PCDHAC1: variants seen among roughly 807,000 people sequenced by gnomAD.
PCDHAC1 encodes protocadherin alpha-C1.
In PCDHAC1, 42 loss-of-function variants were observed where a neutral mutation model predicts 60.0. That is an observed-to-expected ratio of 0.70 (90% CI 0.55 to 0.90). The LOEUF is 0.90. Among genes scored for constraint, PCDHAC1 ranks in the 40% least tolerant of loss-of-function variants. The probability of loss-of-function intolerance (pLI) is 0.00; values close to 1 mark genes in which losing one functional copy is unlikely to be tolerated. For missense variants in PCDHAC1, 1,160 were observed against 1,222.3 expected (o/e 0.95, Z 0.76); for synonymous variants, 468 against 499.3 (o/e 0.94, Z 0.84).
intron 1 of PCDHAC1, among the ~76,000 whole-genome samples, chr5:140,976,583 G>A (rs1360171256): frequency 8.6e-5 from 13 of 151,966 alleles, no homozygotes; most frequent in African/African-American, 3.1e-4. Flanking sequence ...ATAAAACACA[G>A]ACTTTTGTGT....
In PCDHAC1 at chr5:140,927,810, G is replaced by A; in HGVS notation, c.918G>A (p.Leu306=). Reference sequence around the variant, plus strand: ...CACTAGGTCCGCCTGAAACGCTCTTGGAGGCATACATTGAGGCGAGGGACG... The same window carrying A: ...CACTAGGTCCGCCTGAAACGCTCTTAGAGGCATACATTGAGGCGAGGGACG... ...AASLGPPETL[L]EAYIEARDEG... Residue 306 remains leucine (L), a synonymous_variant, in exon 1 of 4, where the codon TTG becomes TTA. Transcript: ENST00000253807. The A allele has an allele frequency of 2.5e-6, 4 of 1,614,200 alleles. No individual in the cohort carries two copies. The highest frequency in any genetic ancestry group is 3.4e-6 in the Non-Finnish European group (4 of 1,180,038).
intron 1 of PCDHAC1, among the ~76,000 whole-genome samples, chr5:140,975,937 A>C (rs2096690423): frequency 1.3e-5 from 2 of 152,194 alleles, no homozygotes; most frequent in South Asian, 2.1e-4. Context: ...CTTTGAAGCA[A>C]TAGGACATAT....
intron 1 of PCDHAC1, among the ~76,000 whole-genome samples, chr5:140,946,628 A>ATATATATATATATATATATATATATATC (rs2093986423): frequency 7.4e-6 from 1 of 134,528 alleles, no homozygotes; most frequent in Non-Finnish European, 1.6e-5. Context: ...ATATATATAT[A>ATATATATATATATATATATATATATATC]TATACAATGG....
chr5:140,981,959 A>C (rs76200785), intron 2 of PCDHAC1, among the ~76,000 whole-genome samples: 3,104 of 152,312 alleles, frequency 0.02, 114 homozygotes, highest in African/African-American at 0.071. Flanking sequence ...TCATCTATGC[A>C]TAAAAGATAT....
At chr5:140,999,551 G>C (rs1189671768) in intron 3 of PCDHAC1, among the ~76,000 whole-genome samples, 3 of 152,088 alleles carry the variant, frequency 2.0e-5, no homozygotes, top group East Asian at 1.9e-4. Context: ...CAATGAAGAG[G>C]GGGTATTTTG....
intron 1 of PCDHAC1, among the ~76,000 whole-genome samples, chr5:140,936,879 C>A (rs2091197572): frequency 6.6e-6 from 1 of 152,054 alleles, no homozygotes; most frequent in African/African-American, 2.4e-5. Flanking sequence ...AAAAACCCTG[C>A]TTTGATTTTA....
intron 3 of PCDHAC1, among the ~76,000 whole-genome samples, chr5:141,002,004 A>G (rs1386748835): frequency 2.0e-5 from 3 of 152,210 alleles, no homozygotes; most frequent in Non-Finnish European, 4.4e-5. Context: ...TTGCAAACAC[A>G]GAATCTGCAC....
At chr5:140,979,052 G>T (rs2096833352) in intron 2 of PCDHAC1, 45 bp downstream of exon 2, 1 of 1,609,668 alleles carries the variant, frequency 6.2e-7, no homozygotes, top group Non-Finnish European at 8.5e-7. Context: ...CCTTAACTTG[G>T]TATGGCTCAG....
At chr5:140,971,434 A>T (rs1243393478) in intron 1 of PCDHAC1, among the ~76,000 whole-genome samples, 1 of 152,188 alleles carries the variant, frequency 6.6e-6, no homozygotes, top group Non-Finnish European at 1.5e-5. Flanking sequence ...GAACCCCAAG[A>T]TCTACAGCTC....
At position 140,926,362 on chromosome 5, in the gene PCDHAC1, C is replaced by G. The variant is rs1199629040; in HGVS notation, c.-531C>G. The G allele has an allele frequency of 2.6e-5, 4 of 152,268 alleles. No homozygotes were observed. Among genetic ancestry groups the G allele is most frequent in the African/African-American group, 9.7e-5 (4 of 41,446 alleles). The allele number at this position is 152,268 out of a possible 1,614,324, so 9.4% of individuals were successfully genotyped here. A position where few individuals can be genotyped will look rare whatever the true frequency, so the allele number is the denominator to read the frequency against. ...GACCCGACGCGCGGCTCCCAAAGGG[C>G]GGCAGGAAGAGCCCAGCTGGGCTCA... is the stretch of plus-strand genomic sequence containing the variant. On this transcript the variant is annotated 5_prime_UTR_variant, in exon 1 of 4. Transcript: ENST00000253807.
chr5:140,967,147 C>A (rs782815903), intron 1 of PCDHAC1: 7 of 1,611,068 alleles, frequency 4.3e-6, no homozygotes, highest in South Asian at 2.2e-5. Flanking sequence ...TGGCGCACAA[C>A]CCCGTGGCGG....
chr5:140,929,010 G>C lies in PCDHAC1; in HGVS notation c.2118G>C (p.Lys706Asn), dbSNP rs1554206575. The change falls in exon 1 of 4, where the codon AAG becomes AAC. Residue 706 changes from lysine (K) to asparagine (N), a missense_variant. This residue lies in a region of PCDHAC1 where 1,113 missense variants were observed against 1,163.7 expected (regional missense o/e 0.96). Transcript: ENST00000253807. ...GCTTACTTTTCTTCGTGTGTACCAA[G>C]TTGCACCAGAGCCCAGGCTGTTGCG... ...LGCLLFFVCT[K>N]LHQSPGCCAQ... 6.2e-7 allele frequency: 1 copy of C among 1,614,128 alleles called. No homozygotes were observed. The highest frequency in any genetic ancestry group is 8.5e-7 in the Non-Finnish European group (1 of 1,180,028).
intron 3 of PCDHAC1, among the ~76,000 whole-genome samples, chr5:140,989,404 A>G (rs2097341135): frequency 6.6e-6 from 1 of 152,134 alleles, no homozygotes; most frequent in Non-Finnish European, 1.5e-5. Flanking sequence ...GAGGGTGGAG[A>G]GTCTGCACTT....
intron 1 of PCDHAC1, among the ~76,000 whole-genome samples, chr5:140,937,072 C>G (rs1321046541): frequency 7.0e-6 from 1 of 143,792 alleles, no homozygotes; most frequent in East Asian, 2.0e-4. Flanking sequence ...GAGTCTCGCT[C>G]TGTCGCCCAG....
intron 1 of PCDHAC1, among the ~76,000 whole-genome samples, chr5:140,957,852 A>ATT (rs5871756): frequency 1.3e-5 from 2 of 151,656 alleles, no homozygotes; most frequent in East Asian, 1.9e-4. Flanking sequence ...GAGTTTGTGT[A>ATT]TTTTTTTTCC....
At chr5:140,996,697 C>T (rs559736986) in intron 3 of PCDHAC1, among the ~76,000 whole-genome samples, 1 of 152,236 alleles carries the variant, frequency 6.6e-6, no homozygotes, top group East Asian at 1.9e-4. Flanking sequence ...TCTTCTGAAC[C>T]TCTATCTCTT....
intron 2 of PCDHAC1, among the ~76,000 whole-genome samples, chr5:140,980,141 T>C (rs1241352797): frequency 1.3e-5 from 2 of 152,164 alleles, no homozygotes; most frequent in Non-Finnish European, 2.9e-5. Context: ...CCAGAAACAT[T>C]CATGCATATA....
intron 1 of PCDHAC1, chr5:140,969,308 A>G (rs782412499): frequency 1.9e-6 from 3 of 1,614,196 alleles, no homozygotes; most frequent in Middle Eastern, 3.3e-4. Context: ...TATTCTCAAA[A>G]ATGAGGCTGT....
At chr5:140,986,181 G>A (rs531382269) in intron 3 of PCDHAC1, among the ~76,000 whole-genome samples, 1 of 152,152 alleles carries the variant, frequency 6.6e-6, no homozygotes, top group Admixed American at 6.6e-5. Flanking sequence ...AACAAGTCAG[G>A]CATTAAATTG....
Sources: gnomAD v4.1 joint callset for allele counts (sites outside exome capture counted in the v4.1 genomes callset) on GRCh38, gnomAD v4.1.1 for gene constraint, gnomAD v4.1.1 regional missense constraint, MANE v1.5 for transcripts, NCBI Gene and HGNC (gene_info 2026-07-23, HGNC 2026-07-21) for gene names.